The following OC90 variants were observed in gnomAD, a reference collection of about 807,000 sequenced individuals.
OC90 encodes the protein otoconin 90, also known as otoconin-90.
OC90 carries 46 observed loss-of-function variants against 47.3 expected under a neutral mutation model. The observed-to-expected ratio is 0.97, with a 90% confidence interval of 0.77 to 1.24. The LOEUF is 1.24. Ranked by LOEUF, OC90 falls within the 50% of genes most tolerant of loss-of-function variation. The pLI is 0.00. For synonymous variants in OC90, 271 were observed against 219.5 expected, an observed-to-expected ratio of 1.23 and a Z score of -2.07; for missense variants, 688 against 583.9, an observed-to-expected ratio of 1.18 and a Z score of -1.84.
chr8:132,041,599 G>A lies in OC90; in HGVS notation c.270C>T (p.Cys90=), dbSNP rs778092335. 1 of 1,613,044 alleles carries A rather than the reference G, an allele frequency of 6.2e-7. No individual in the cohort carries two copies. Among genetic ancestry groups the A allele is most frequent in the South Asian group, 1.1e-5 (1 of 91,018 alleles). Residue 90 remains cysteine (C), a synonymous_variant, in exon 5 of 14, where the codon TGC becomes TGT. Transcript: ENST00000254627. ...AACCATAGTCTTCAAAGTCTCGGGG[G>A]CAGAGACCAGCCACACACTTCATAC... ...VNGMKCVAGL[C]PRDFEDYGCT... is the part of the protein sequence containing the mutation.
At chr8:132,028,025 C>T (rs78685686) in intron 13 of OC90, among the ~76,000 whole-genome samples, 11,093 of 152,184 alleles carry the variant, frequency 0.073, 522 homozygotes, top group South Asian at 0.19. Context: ...AATAGTGCTA[C>T]CTCGGGATAC....
In OC90 at chr8:132,039,032, G is replaced by T. The variant is rs763241866; in HGVS notation, c.549C>A (p.Asn183Lys). The change falls in exon 7 of 14, where the codon AAC becomes AAA. Residue 183 changes from asparagine to lysine, a missense_variant. Coordinates refer to ENST00000254627, the MANE Select transcript of OC90 (RefSeq NM_001080399.3). ...CCAGGCAGAAGGAGGTGTCCAGAAG[G>T]TTCAGGGAAGAGTTGAGGCTGGATC... ...LARSSLNSSL[N>K]LLDTSFCLAQ... 1.2e-6 allele frequency: 2 copies of T among 1,613,978 alleles called. No individual in the cohort carries two copies. The highest frequency in any genetic ancestry group is 1.7e-6 in the Non-Finnish European group (2 of 1,179,880).
At chr8:132,050,065 C>A (rs1823191765) in intron 2 of OC90, among the ~76,000 whole-genome samples, 3 of 152,166 alleles carry the variant, frequency 2.0e-5, no homozygotes, top group African/African-American at 7.2e-5. Context: ...GTCACCCTAA[C>A]AAGTCACTTA....
At chr8:132,056,316 C>A (rs1475388480) in intron 1 of OC90, among the ~76,000 whole-genome samples, 2 of 152,198 alleles carry the variant, frequency 1.3e-5, no homozygotes, top group Non-Finnish European at 2.9e-5. Flanking sequence ...ACGGGTCATT[C>A]TGCCTGTGAG....
At chr8:132,047,248 A>G (rs1823146138) in intron 2 of OC90, among the ~76,000 whole-genome samples, 1 of 152,148 alleles carries the variant, frequency 6.6e-6, no homozygotes, top group African/African-American at 2.4e-5. Flanking sequence ...ACCATCCCAC[A>G]AGGTTCCTCA....
At position 132,056,113 on chromosome 8, in the gene OC90, A is replaced by T. The variant is rs189564300; in HGVS notation, c.-47-1040T>A. On this transcript the variant is annotated intron_variant, in intron 1 of 13. Coordinates refer to ENST00000254627, the MANE Select transcript of OC90 (RefSeq NM_001080399.3). ...ACAGGGCTGCTGGGTAGGGCTGTAC[A>T]TGTTGTGCACTGCACAAAAGCGCTT... Among the ~76,000 whole-genome samples the T allele has an allele frequency of 3.2e-3, 490 of 152,304 alleles. 2 individuals carry two copies. Among genetic ancestry groups the T allele is most frequent in the Middle Eastern group, 0.014 (4 of 294 alleles).
At chr8:132,049,964 C>G (rs1439379759) in intron 2 of OC90, 4 of 432,536 alleles carry the variant, frequency 9.2e-6, no homozygotes, top group Non-Finnish European at 1.5e-5. Context: ...CATCTCACCT[C>G]TACGTGATTC....
At chr8:132,037,320 C>T (rs1439080571) in intron 9 of OC90, 118 bp downstream of exon 9, 1 of 849,342 alleles carries the variant, frequency 1.2e-6, no homozygotes, top group Non-Finnish European at 1.9e-6. Flanking sequence ...CACACCATCC[C>T]TTCGGTGCTG....
intron 2 of OC90, among the ~76,000 whole-genome samples, chr8:132,054,747 G>A (rs1823259114): frequency 6.6e-6 from 1 of 152,212 alleles, no homozygotes; most frequent in South Asian, 2.1e-4. Context: ...TAATCGTAGA[G>A]CATATAATTG....
At chr8:132,050,571 C>T (rs1242693662) in intron 2 of OC90, among the ~76,000 whole-genome samples, 2 of 152,208 alleles carry the variant, frequency 1.3e-5, no homozygotes, top group Non-Finnish European at 2.9e-5. Flanking sequence ...AGAGGCTTCA[C>T]TTTCCTACAT....
At chr8:132,029,935 G>C (rs1563728270) in intron 12 of OC90, among the ~76,000 whole-genome samples, 1 of 152,118 alleles carries the variant, frequency 6.6e-6, no homozygotes, top group Non-Finnish European at 1.5e-5. Flanking sequence ...ACTTTGTCTG[G>C]GAGGCCACAG....
chr8:132,048,914 C>T (rs10956629), intron 2 of OC90, among the ~76,000 whole-genome samples: 47,347 of 151,090 alleles, frequency 0.31, 8,055 homozygotes, highest in East Asian at 0.47. Context: ...CTGCAGGGGG[C>T]CTGAGGCTGA....
At position 132,055,093 on chromosome 8, in the gene OC90, A is replaced by C; in HGVS notation, c.-47-20T>G. 1 of 1,305,732 alleles carries C rather than the reference A, an allele frequency of 7.7e-7. No homozygotes were observed. The highest frequency in any genetic ancestry group is 1.1e-6 in the Non-Finnish European group (1 of 931,340). 80.9% of individuals were successfully genotyped at this position (1,305,732 alleles called of 1,614,324 possible). ...GGACTCCTGGGAGAGAAGCCAGCAGAATAGGATGGAAGCATTTTCAGAATT... is the reference window on the plus strand; with the variant it reads ...GGACTCCTGGGAGAGAAGCCAGCAGCATAGGATGGAAGCATTTTCAGAATT... On this transcript the variant is annotated intron_variant, in intron 1 of 13. Transcript: ENST00000254627.
intron 1 of OC90, among the ~76,000 whole-genome samples, chr8:132,056,099 G>A (rs1823276326): frequency 6.6e-6 from 1 of 152,166 alleles, no homozygotes; most frequent in South Asian, 2.1e-4. Flanking sequence ...CAGGGCTGCT[G>A]GGTAGGGCTG....
chr8:132,034,751 A>C, intron 10 of OC90, 30 bp downstream of exon 10: 2 of 1,534,078 alleles, frequency 1.3e-6, no homozygotes, highest in Non-Finnish European at 1.8e-6. Context: ...TGTGTCATGA[A>C]CATAGGCAGG....
At chr8:132,026,655 C>A (rs1249131029) in intron 13 of OC90, among the ~76,000 whole-genome samples, 1 of 152,140 alleles carries the variant, frequency 6.6e-6, no homozygotes, top group African/African-American at 2.4e-5. Flanking sequence ...TTTACTGAAG[C>A]TGTGAATCAG....
rs1491087682 is a variant in OC90, at chr8:132,028,809, AAG to A, written c.1138+262_1138+263del. ...GGAAGAAAGAAGAAGGAAAGAAAGA[AAG>A]AAAGAAAGAAAAAGAAAGAAAGAAA... On this transcript the variant is annotated intron_variant, in intron 13 of 13. Coordinates refer to ENST00000254627, the MANE Select transcript of OC90 (RefSeq NM_001080399.3). Among the ~76,000 whole-genome samples, 71 of 91,634 alleles carry A rather than the reference AAG, an allele frequency of 7.7e-4. 1 individual carries two copies. The highest frequency in any genetic ancestry group is 2.0e-3 in the African/African-American group (45 of 22,670). 60.1% of individuals were successfully genotyped at this position (91,634 alleles called of 152,430 possible).
rs140395563 is a variant in OC90, at chr8:132,034,643, G to A, written c.733+138C>T. ...CCACATTTGGGGAATAAATGCTTCCGATTCTTGCCCCATCACCTCCCATGC... is the reference window on the plus strand; with the variant it reads ...CCACATTTGGGGAATAAATGCTTCCAATTCTTGCCCCATCACCTCCCATGC... On this transcript the variant is annotated intron_variant, in intron 10 of 13. Transcript: ENST00000254627. The A allele has an allele frequency of 6.0e-4, 361 of 606,720 alleles. 2 individuals are homozygous for A. The highest frequency in any genetic ancestry group is 4.3e-3 in the East Asian group (145 of 33,500). 37.6% of individuals were successfully genotyped at this position (606,720 alleles called of 1,614,324 possible).
chr8:132,040,075 G>A (rs987398317), intron 6 of OC90, among the ~76,000 whole-genome samples: 1 of 152,192 alleles, frequency 6.6e-6, no homozygotes, highest in African/African-American at 2.4e-5. Flanking sequence ...ATACATATAC[G>A]TTGGGTGGAT....
Sources: allele counts gnomAD v4.1 joint callset (sites outside exome capture counted in the v4.1 genomes callset), GRCh38; gene constraint gnomAD v4.1.1; transcripts MANE v1.5; gene names NCBI Gene and HGNC (gene_info 2026-07-23, HGNC 2026-07-21).